TSPAN8: variants seen among roughly 807,000 people sequenced by gnomAD.
TSPAN8 encodes the protein tetraspanin 8.
Under a neutral mutation model 32.8 loss-of-function variants are expected in TSPAN8, and 21 were observed. The ratio of observed to expected loss-of-function variants is 0.64; its 90% confidence interval spans 0.45 to 0.92. The LOEUF is 0.92. Among genes scored for constraint, TSPAN8 ranks in the 40% least tolerant of loss-of-function variants. TSPAN8 has a pLI of 0.00. For missense variants in TSPAN8, 269 were observed against 281.9 expected, an observed-to-expected ratio of 0.95 and a Z score of 0.33; for synonymous variants, 95 against 94.6, an observed-to-expected ratio of 1.00 and a Z score of -0.03.
Position 71,129,422 on chromosome 12 carries a change from A to T in TSPAN8, c.577-8T>A. On this transcript the variant is annotated splice_region_variant and splice_polypyrimidine_tract_variant and intron_variant, in intron 7 of 8. Transcript: ENST00000247829. ...TATGAAAGAAATACAGGTCTGTTAAAAAAAAAAAACATTAAAAGTTACCTC... is the reference window on the plus strand; with the variant it reads ...TATGAAAGAAATACAGGTCTGTTAATAAAAAAAAACATTAAAAGTTACCTC... 7.4e-7 allele frequency: 1 copy of T among 1,360,214 alleles called. No homozygotes were observed. The highest frequency in any genetic ancestry group is 9.8e-7 in the Non-Finnish European group (1 of 1,020,110). 84.3% of individuals were successfully genotyped at this position (1,360,214 alleles called of 1,614,324 possible).
intron 2 of TSPAN8, among the ~76,000 whole-genome samples, chr12:71,146,466 C>T (rs1418186852): frequency 6.6e-6 from 1 of 152,114 alleles, no homozygotes; most frequent in Non-Finnish European, 1.5e-5. Flanking sequence ...AAAGATTGAC[C>T]ATCATAATGG....
intron 8 of TSPAN8, among the ~76,000 whole-genome samples, chr12:71,126,613 A>C (rs1871356774): frequency 6.6e-6 from 1 of 152,212 alleles, no homozygotes; most frequent in African/African-American, 2.4e-5. Context: ...TTTATAATGT[A>C]CGCCAAGACT....
intron 3 of TSPAN8, among the ~76,000 whole-genome samples, chr12:71,143,119 A>T (rs958973828): frequency 6.6e-6 from 1 of 152,200 alleles, no homozygotes; most frequent in Non-Finnish European, 1.5e-5. Context: ...CAAATACCTT[A>T]AAAAGGCTCT....
intron 2 of TSPAN8, 118 bp downstream of exon 2, chr12:71,157,501 G>A: frequency 1.4e-6 from 1 of 707,230 alleles, no homozygotes; most frequent in Non-Finnish European, 2.4e-6. Flanking sequence ...CAAGTACATG[G>A]AAAATACATT....
At chr12:71,138,570 C>T (rs1565785698) in intron 4 of TSPAN8, among the ~76,000 whole-genome samples, 1 of 152,174 alleles carries the variant, frequency 6.6e-6, no homozygotes, top group African/African-American at 2.4e-5. Context: ...CAAACACAAC[C>T]TCACACAAAC....
intron 7 of TSPAN8, 31 bp downstream of exon 7, chr12:71,132,662 C>A (rs756050814): frequency 6.2e-7 from 1 of 1,605,684 alleles, no homozygotes; most frequent in Non-Finnish European, 8.5e-7. Context: ...AACAGAATTG[C>A]TTATTGTACC....
At chr12:71,149,660 C>T (rs1872185328) in intron 2 of TSPAN8, among the ~76,000 whole-genome samples, 1 of 152,228 alleles carries the variant, frequency 6.6e-6, no homozygotes, top group Admixed American at 6.5e-5. Context: ...CTAAATAATA[C>T]TCTTATAATT....
chr12:71,157,664 AC>A lies in TSPAN8; in HGVS notation c.14del (p.Ser5MetfsTer4). The A allele has an allele frequency of 6.2e-7, 1 of 1,613,622 alleles. No individual in the cohort carries two copies. Among genetic ancestry groups the A allele is most frequent in the Non-Finnish European group, 8.5e-7 (1 of 1,179,632 alleles). On this transcript the variant is annotated frameshift_variant, in exon 2 of 9. Transcript: ENST00000247829. LOFTEE classifies it high-confidence loss of function. MAGV[S>X]ACIKYSMFTF... Reference sequence around the variant, plus strand: ...TAAACATAGAATATTTTATACAGGCACTCACACCTGCCATTTCGGAAAAGGA... The same window carrying A: ...TAAACATAGAATATTTTATACAGGCATCACACCTGCCATTTCGGAAAAGGA...
chr12:71,154,311 AAAT>A (rs58976021), intron 2 of TSPAN8, among the ~76,000 whole-genome samples: 18,074 of 137,018 alleles, frequency 0.13, 1,260 homozygotes, highest in African/African-American at 0.18. Context: ...CTCTGTCTCA[AAAT>A]AATAATAATA....
intron 2 of TSPAN8, among the ~76,000 whole-genome samples, chr12:71,152,734 T>C (rs886108761): frequency 2.6e-5 from 4 of 152,174 alleles, no homozygotes; most frequent in African/African-American, 9.7e-5. Flanking sequence ...ATTCATACAC[T>C]TCAGCCATTG....
chr12:71,125,138 C>T lies in TSPAN8; in HGVS notation c.*196G>A, dbSNP rs941295152. On this transcript the variant is annotated 3_prime_UTR_variant, in exon 9 of 9. Coordinates refer to ENST00000247829, the MANE Select transcript of TSPAN8 (RefSeq NM_004616.3). The stretch of plus-strand genomic sequence containing the variant: ...TTTATTTTGAGTAAAAATACACATT[C>T]ATATCATTTTCCCTTATATCCCTCA... 1.2e-5 allele frequency: 6 copies of T among 483,582 alleles called. No homozygotes were observed. The highest frequency in any genetic ancestry group is 1.2e-4 in the African/African-American group (6 of 50,908). 30.0% of individuals were successfully genotyped at this position (483,582 alleles called of 1,614,324 possible).
At chr12:71,150,186 C>T (rs10784897) in intron 2 of TSPAN8, among the ~76,000 whole-genome samples, 52,742 of 151,968 alleles carry the variant, frequency 0.35, 9,673 homozygotes, top group Non-Finnish European at 0.39. Context: ...GCTTTCAAAC[C>T]CTGTTTTCTG....
chr12:71,135,166 TA>T (rs1871640669), intron 6 of TSPAN8, among the ~76,000 whole-genome samples: 1 of 150,808 alleles, frequency 6.6e-6, no homozygotes, highest in South Asian at 2.1e-4. Flanking sequence ...GCATAACTTA[TA>T]AAAGAAAGCA....
chr12:71,151,663 G>A (rs1872259673), intron 2 of TSPAN8, among the ~76,000 whole-genome samples: 1 of 152,172 alleles, frequency 6.6e-6, no homozygotes, highest in Non-Finnish European at 1.5e-5. Flanking sequence ...CATTTGAAAA[G>A]CCTGGGAAAA....
At chr12:71,139,245 C>T in intron 4 of TSPAN8, 1 of 458,096 alleles carries the variant, frequency 2.2e-6, no homozygotes, top group South Asian at 1.6e-5. Flanking sequence ...CAGCACTGTA[C>T]TGCCACGTTG....
chr12:71,139,364 C>T, intron 4 of TSPAN8: 1 of 452,274 alleles, frequency 2.2e-6, no homozygotes, highest in Non-Finnish European at 4.1e-6. Flanking sequence ...GGGGCCACTC[C>T]CACTGTAGCT....
At chr12:71,133,039 A>T (rs1358415866) in intron 6 of TSPAN8, among the ~76,000 whole-genome samples, 1 of 152,206 alleles carries the variant, frequency 6.6e-6, no homozygotes, top group Non-Finnish European at 1.5e-5. Context: ...TTGCAGACTC[A>T]AAAATCTGAA....
chr12:71,139,714 C>G lies in TSPAN8; in HGVS notation c.258G>C (p.Leu86=). The change falls in exon 4 of 9, where the codon CTG becomes CTC. Residue 86 remains leucine, a synonymous_variant. Coordinates refer to ENST00000247829, the MANE Select transcript of TSPAN8 (RefSeq NM_004616.3). Reference sequence around the variant, plus strand: ...GGGATTTGTTTGGAGAACTCACCAACAGAAGCATGCAGCGACTTTCTTTTA... The same window carrying G: ...GGGATTTGTTTGGAGAACTCACCAAGAGAAGCATGCAGCGACTTTCTTTTA... ...GAIKESRCML[L]LFFIGLLLIL... 2 of 1,613,312 alleles carry G rather than the reference C, an allele frequency of 1.2e-6. No homozygotes were observed. Among genetic ancestry groups the G allele is most frequent in the Non-Finnish European group, 1.7e-6 (2 of 1,179,532 alleles).
chr12:71,133,278 C>A (rs1193776985), intron 6 of TSPAN8, among the ~76,000 whole-genome samples: 1 of 151,836 alleles, frequency 6.6e-6, no homozygotes, highest in African/African-American at 2.4e-5. Flanking sequence ...GCAGAGACCG[C>A]GTTTTACCAT....
Sources: allele counts gnomAD v4.1 joint callset (sites outside exome capture counted in the v4.1 genomes callset), GRCh38; gene constraint gnomAD v4.1.1; transcripts MANE v1.5; gene names NCBI Gene and HGNC (gene_info 2026-07-23, HGNC 2026-07-21).